The following CEP57L1 variants were observed in gnomAD, a reference collection of about 807,000 sequenced individuals.
The protein encoded by CEP57L1 is centrosomal protein 57 like 1, also known as centrosomal protein CEP57L1.
CEP57L1 carries 37 observed loss-of-function variants against 61.0 expected under a neutral mutation model. That is an observed-to-expected ratio of 0.61 (90% CI 0.47 to 0.80). The LOEUF is 0.80. Among genes scored for constraint, CEP57L1 ranks in the 30% least tolerant of loss-of-function variants. The pLI is 0.00. For missense variants in CEP57L1, 422 were observed against 524.7 expected, an observed-to-expected ratio of 0.80 and a Z score of 1.91; for synonymous variants, 137 against 162.3, an observed-to-expected ratio of 0.84 and a Z score of 1.19.
intron 1 of CEP57L1, among the ~76,000 whole-genome samples, chr6:109,104,616 C>G (rs1437410229): frequency 6.6e-6 from 1 of 152,164 alleles, no homozygotes; most frequent in Non-Finnish European, 1.5e-5. Context: ...GAATCCCACT[C>G]TGTTGCCCAG....
chr6:109,129,030 C>T (rs1046397380), intron 1 of CEP57L1, among the ~76,000 whole-genome samples: 1 of 152,124 alleles, frequency 6.6e-6, no homozygotes, highest in Non-Finnish European at 1.5e-5. Context: ...GAAACTCTGT[C>T]TCTACTAAAA....
chr6:109,109,145 C>G (rs1771277580), intron 1 of CEP57L1, among the ~76,000 whole-genome samples: 1 of 152,096 alleles, frequency 6.6e-6, no homozygotes. Flanking sequence ...ATAGTAGTCT[C>G]CTGTGTAGAG....
intron 1 of CEP57L1, among the ~76,000 whole-genome samples, chr6:109,101,118 A>C (rs1363122713): frequency 6.6e-6 from 1 of 151,830 alleles, no homozygotes. Context: ...GGAAAAAAAC[A>C]AAACAAAACA....
chr6:109,170,913 A>C lies in CEP57L1; in HGVS notation c.*7943A>C, dbSNP rs1251613121. The stretch of plus-strand genomic sequence containing the variant: ...TGGGAAAGTCAGTACCAGAGTTAAA[A>C]ACAAGTTACTTTAAAGATATCTGCT... On this transcript the variant is annotated 3_prime_UTR_variant, in exon 11 of 11. Coordinates refer to ENST00000517392, the MANE Select transcript of CEP57L1 (RefSeq NM_001271852.3). Among the ~76,000 whole-genome samples, 1 of 152,216 alleles carries C rather than the reference A, an allele frequency of 6.6e-6. No homozygotes were observed. Among genetic ancestry groups the C allele is most frequent in the Non-Finnish European group, 1.5e-5 (1 of 68,032 alleles).
chr6:109,124,852 TCTC>T (rs1773364801), intron 1 of CEP57L1: 1 of 152,028 alleles, frequency 6.6e-6, no homozygotes, highest in Admixed American at 6.6e-5. Flanking sequence ...GTCAGATGCT[TCTC>T]CTCTGGATTC....
intron 1 of CEP57L1, among the ~76,000 whole-genome samples, chr6:109,120,929 C>G (rs946443288): frequency 0.01 from 1,065 of 104,024 alleles, 40 homozygotes; most frequent in Admixed American, 0.093. Flanking sequence ...CACACACACA[C>G]ACACACACAC....
At chr6:109,138,508 C>A (rs1202962392) in intron 1 of CEP57L1, among the ~76,000 whole-genome samples, 1 of 152,032 alleles carries the variant, frequency 6.6e-6, no homozygotes, top group Admixed American at 6.6e-5. Context: ...ATCTTTGATT[C>A]TTTTTTAGTA....
chr6:109,134,773 A>T (rs1298814646), intron 1 of CEP57L1, among the ~76,000 whole-genome samples: 2 of 151,980 alleles, frequency 1.3e-5, no homozygotes, highest in Non-Finnish European at 2.9e-5. Flanking sequence ...CCAATAACAG[A>T]CAAACAGAGA....
At chr6:109,146,659 T>C in intron 2 of CEP57L1, 99 bp from the exon 3 acceptor site, 1 of 760,690 alleles carries the variant, frequency 1.3e-6, no homozygotes, top group Non-Finnish European at 2.0e-6. Context: ...TTTTTCTGGC[T>C]CAGTAACAAA....
intron 1 of CEP57L1, among the ~76,000 whole-genome samples, chr6:109,142,469 G>A (rs1771488777): frequency 6.6e-6 from 1 of 152,110 alleles, no homozygotes; most frequent in Non-Finnish European, 1.5e-5. Context: ...GGGTGGTAAG[G>A]GGAGGGAACT....
chr6:109,129,264 T>G, intron 1 of CEP57L1: 1 of 731,776 alleles, frequency 1.4e-6, no homozygotes, highest in Non-Finnish European at 1.8e-6. Context: ...TTTTATCGCC[T>G]TTAGTATCTT....
chr6:109,112,164 T>G (rs981723531), intron 1 of CEP57L1, among the ~76,000 whole-genome samples: 2 of 152,212 alleles, frequency 1.3e-5, no homozygotes, highest in South Asian at 2.1e-4. Flanking sequence ...GGGCTTTTTT[T>G]GGTGGGTAGG....
At chr6:109,157,072 T>TA (rs1773290670) in intron 7 of CEP57L1, 1 of 151,964 alleles carries the variant, frequency 6.6e-6, no homozygotes, top group Non-Finnish European at 1.5e-5. Flanking sequence ...CTATTTATTA[T>TA]AAAAATAGTG....
chr6:109,140,081 A>G (rs1771179659), intron 1 of CEP57L1, among the ~76,000 whole-genome samples: 1 of 152,034 alleles, frequency 6.6e-6, no homozygotes, highest in South Asian at 2.1e-4. Flanking sequence ...GATTATTACT[A>G]AGATTTATTT....
chr6:109,169,158 G>A lies in CEP57L1; in HGVS notation c.*6188G>A, dbSNP rs191789461. On this transcript the variant is annotated 3_prime_UTR_variant, in exon 11 of 11. Transcript: ENST00000517392. ...AGAGGATTGCTTGAACCAGGGAGGC[G>A]GAGGTTGCAGTAAGCTGAGATTGTG... Among the ~76,000 whole-genome samples the A allele has an allele frequency of 1.1e-3, 161 of 150,640 alleles. No homozygotes were observed. The highest frequency in any genetic ancestry group is 3.3e-3 in the African/African-American group (135 of 41,078).
At chr6:109,106,583 A>G (rs1291323374) in intron 1 of CEP57L1, among the ~76,000 whole-genome samples, 1 of 152,132 alleles carries the variant, frequency 6.6e-6, no homozygotes, top group African/African-American at 2.4e-5. Flanking sequence ...TACTACATCT[A>G]TTTTAAGTAT....
chr6:109,126,926 G>A (rs577353414), intron 1 of CEP57L1, among the ~76,000 whole-genome samples: 2 of 152,160 alleles, frequency 1.3e-5, no homozygotes, highest in African/African-American at 4.8e-5. Context: ...CCAGCACTTT[G>A]GGAGGCCGAG....
intron 6 of CEP57L1, 105 bp downstream of exon 6, chr6:109,155,412 C>G (rs1773118229): frequency 6.7e-6 from 4 of 597,542 alleles, no homozygotes; most frequent in Non-Finnish European, 1.1e-5. Context: ...TTTCTGCTTC[C>G]TAAATTGTCT....
At chr6:109,126,443 C>T (rs1413895877) in intron 1 of CEP57L1, among the ~76,000 whole-genome samples, 1 of 152,102 alleles carries the variant, frequency 6.6e-6, no homozygotes, top group East Asian at 1.9e-4. Flanking sequence ...AATCTGTTGT[C>T]CATCTATTAA....
Sources: allele counts gnomAD v4.1 joint callset (sites outside exome capture counted in the v4.1 genomes callset), GRCh38; gene constraint gnomAD v4.1.1; transcripts MANE v1.5; gene names NCBI Gene and HGNC (gene_info 2026-07-23, HGNC 2026-07-21).